BNC2: variants seen among roughly 807,000 people sequenced by gnomAD.
BNC2 encodes the protein zinc finger protein basonuclin-2.
Under a neutral mutation model 76.3 loss-of-function variants are expected in BNC2, and 20 were observed. That is an observed-to-expected ratio of 0.26 (90% CI 0.18 to 0.38). The LOEUF is 0.38. Ranked by LOEUF, BNC2 falls within the 10% of genes least tolerant of loss-of-function variation. The probability of loss-of-function intolerance (pLI) is 1.00; values close to 1 mark genes in which losing one functional copy is unlikely to be tolerated. For missense variants in BNC2, 1,382 were observed against 1,399.8 expected, an observed-to-expected ratio of 0.99 and a Z score of 0.20; for synonymous variants, 582 against 514.8, an observed-to-expected ratio of 1.13 and a Z score of -1.77.
At chr9:16,599,238 A>T (rs1820177875) in intron 3 of BNC2, among the ~76,000 whole-genome samples, 1 of 152,226 alleles carries the variant, frequency 6.6e-6, no homozygotes, top group African/African-American at 2.4e-5. Context: ...AGTGATTTGG[A>T]ATATGAGCTT....
At chr9:16,549,960 A>G (rs1295845060) in intron 5 of BNC2, among the ~76,000 whole-genome samples, 2 of 152,030 alleles carry the variant, frequency 1.3e-5, no homozygotes, top group Non-Finnish European at 2.9e-5. Flanking sequence ...ATGGAGAAAT[A>G]TTATATTAAA....
At chr9:16,452,302 A>C (rs1387504559) in intron 5 of BNC2, among the ~76,000 whole-genome samples, 3 of 152,214 alleles carry the variant, frequency 2.0e-5, no homozygotes, top group Non-Finnish European at 4.4e-5. Context: ...GTGTACAAAA[A>C]ATCAGCAAAC....
At chr9:16,836,672 A>G (rs1818715070) in intron 1 of BNC2, among the ~76,000 whole-genome samples, 1 of 152,212 alleles carries the variant, frequency 6.6e-6, no homozygotes, top group Non-Finnish European at 1.5e-5. Flanking sequence ...AATGAAGAGG[A>G]CATTCTGCTA....
intron 3 of BNC2, among the ~76,000 whole-genome samples, chr9:16,620,158 T>C (rs900709128): frequency 6.6e-5 from 10 of 152,128 alleles, no homozygotes; most frequent in Non-Finnish European, 2.9e-5. Flanking sequence ...GCCATTGATA[T>C]GAAAAAGGGC....
chr9:16,564,704 C>T (rs1227906617), intron 4 of BNC2, among the ~76,000 whole-genome samples: 1 of 152,140 alleles, frequency 6.6e-6, no homozygotes, highest in Non-Finnish European at 1.5e-5. Context: ...GTCATTTTCT[C>T]ATAGGTGCTT....
intron 4 of BNC2, chr9:16,575,191 C>T (rs1587190091): frequency 2.2e-6 from 2 of 898,380 alleles, no homozygotes; most frequent in East Asian, 2.4e-4. Flanking sequence ...CAGTAGGTGA[C>T]AGAGCCGCGA....
In BNC2 at chr9:16,780,054, G is replaced by C. The variant is rs912077808; in HGVS notation, c.4-41569C>G. 5.9e-5 allele frequency among the ~76,000 whole-genome samples: 9 copies of C among 151,470 alleles called. No individual in the cohort carries two copies. In the East Asian group the frequency reaches 1.8e-3, roughly 30 times the overall value. ...GATCGAGACCATCCTGGCTAACATG[G>C]TGAAACCCCATCTCTACTAAAAATA... is the stretch of plus-strand genomic sequence containing the variant. On this transcript the variant is annotated intron_variant, in intron 1 of 6. Coordinates refer to ENST00000380672, the MANE Select transcript of BNC2 (RefSeq NM_017637.6).
At chr9:16,808,807 T>C (rs901659296) in intron 1 of BNC2, among the ~76,000 whole-genome samples, 1 of 152,034 alleles carries the variant, frequency 6.6e-6, no homozygotes, top group East Asian at 1.9e-4. Context: ...GTAAGGTCTG[T>C]GAATTGCTTT....
intron 6 of BNC2, among the ~76,000 whole-genome samples, chr9:16,423,872 A>G (rs1820755024): frequency 6.6e-6 from 1 of 152,196 alleles, no homozygotes; most frequent in African/African-American, 2.4e-5. Context: ...ATCTACCAAA[A>G]GCTTGTTAAA....
At chr9:16,455,786 C>T (rs528278783) in intron 5 of BNC2, among the ~76,000 whole-genome samples, 28 of 123,462 alleles carry the variant, frequency 2.3e-4, no homozygotes, top group African/African-American at 1.0e-3. Context: ...GAGCAAAACT[C>T]CATCTCCAAA....
chr9:16,845,616 G>C (rs1254858079), intron 1 of BNC2, among the ~76,000 whole-genome samples: 1 of 152,164 alleles, frequency 6.6e-6, no homozygotes, highest in Non-Finnish European at 1.5e-5. Context: ...AGCTACTTGG[G>C]AGGCCGAGGC....
At chr9:16,614,133 C>A (rs1820628773) in intron 3 of BNC2, among the ~76,000 whole-genome samples, 1 of 152,048 alleles carries the variant, frequency 6.6e-6, no homozygotes, top group Non-Finnish European at 1.5e-5. Context: ...GGATTGAAAC[C>A]CAAAAATGTT....
intron 3 of BNC2, among the ~76,000 whole-genome samples, chr9:16,716,557 A>T (rs1462961864): frequency 6.6e-6 from 1 of 152,192 alleles, no homozygotes; most frequent in Non-Finnish European, 1.5e-5. Context: ...AATGGATTTT[A>T]AAAACCAATT....
At chr9:16,665,394 G>GAGAGAGAGAGAGAGAA in intron 3 of BNC2, among the ~76,000 whole-genome samples, 2 of 140,086 alleles carry the variant, frequency 1.4e-5, no homozygotes, top group African/African-American at 2.6e-5. Flanking sequence ...AAAAGAGAGA[G>GAGAGAGAGAGAGAGAA]AGAGAGAGAA....
chr9:16,634,711 C>T (rs1320938729), intron 3 of BNC2, among the ~76,000 whole-genome samples: 1 of 151,962 alleles, frequency 6.6e-6, no homozygotes, highest in Non-Finnish European at 1.5e-5. Context: ...TTGTGTTAGC[C>T]AGGATGGTCT....
At chr9:16,814,088 G>A (rs145474228) in intron 1 of BNC2, among the ~76,000 whole-genome samples, 2 of 152,330 alleles carry the variant, frequency 1.3e-5, no homozygotes, top group African/African-American at 4.8e-5. Flanking sequence ...TGTGGACAAT[G>A]TTTTCTGGCC....
At chr9:16,488,419 T>C (rs111707483) in intron 5 of BNC2, among the ~76,000 whole-genome samples, 22 of 152,330 alleles carry the variant, frequency 1.4e-4, no homozygotes, top group African/African-American at 5.1e-4. Flanking sequence ...GGAAAAATTA[T>C]ACTGAACCTA....
intron 5 of BNC2, among the ~76,000 whole-genome samples, chr9:16,530,952 G>A (rs1477380211): frequency 6.6e-6 from 1 of 152,134 alleles, no homozygotes. Context: ...ATTTAGCAAT[G>A]AGCCGGGAGG....
At chr9:16,643,025 G>A in intron 3 of BNC2, among the ~76,000 whole-genome samples, 1 of 152,116 alleles carries the variant, frequency 6.6e-6, no homozygotes, top group East Asian at 1.9e-4. Flanking sequence ...ATGGTGCCAG[G>A]CCAACAGTAA....
Sources: allele counts gnomAD v4.1 joint callset (sites outside exome capture counted in the v4.1 genomes callset), GRCh38; gene constraint gnomAD v4.1.1; transcripts MANE v1.5; gene names NCBI Gene and HGNC (gene_info 2026-07-23, HGNC 2026-07-21).